PCSK9: variants seen among roughly 807,000 people sequenced by gnomAD.
The protein encoded by PCSK9 is proprotein convertase subtilisin/kexin type 9.
A neutral mutation model predicts 62.1 loss-of-function variants in PCSK9; 57 were observed. The ratio of observed to expected loss-of-function variants is 0.92; its 90% CI spans 0.74 to 1.14. PCSK9 has a LOEUF of 1.14. Ranked by LOEUF, PCSK9 falls within the 50% of genes most tolerant of loss-of-function variation. The pLI is 0.00. For synonymous variants in PCSK9, 387 were observed against 409.4 expected (o/e 0.95, Z 0.66); for missense variants, 870 against 959.8 (o/e 0.91, Z 1.24).
chr1:55,045,258 G>A (rs1183769002), intron 2 of PCSK9, among the ~76,000 whole-genome samples: 1 of 152,098 alleles, frequency 6.6e-6, no homozygotes, highest in South Asian at 2.1e-4. Context: ...ATTTGCCATC[G>A]AGAGCTGGAC....
intron 2 of PCSK9, among the ~76,000 whole-genome samples, chr1:55,045,998 C>T (rs910278626): frequency 1.4e-4 from 21 of 152,174 alleles, no homozygotes; most frequent in African/African-American, 3.6e-4. Context: ...CGTGAGTCAC[C>T]GCTCCCAGCT....
chr1:55,055,055 G>T (rs952780192), intron 5 of PCSK9, among the ~76,000 whole-genome samples: 1 of 151,694 alleles, frequency 6.6e-6, no homozygotes, highest in Admixed American at 6.6e-5. Flanking sequence ...GCATGAGGTA[G>T]ACCATGGCCT....
chr1:55,052,292 G>A lies in PCSK9; in HGVS notation c.538G>A (p.Val180Met). The A allele has an allele frequency of 6.2e-7, 1 of 1,614,078 alleles. No homozygotes were observed. The highest frequency in any genetic ancestry group is 8.5e-7 in the Non-Finnish European group (1 of 1,180,040). ...GCCTTGGAAAGACGGAGGCAGCCTGGTGGAGGTGTATCTCCTAGACACCAG... is the reference window on the plus strand; with the variant it reads ...GCCTTGGAAAGACGGAGGCAGCCTGATGGAGGTGTATCTCCTAGACACCAG... ...EYQPPDGGSL[V>M]EVYLLDTSIQ... The change falls in exon 4 of 12, where the codon GTG becomes ATG. Residue 180 changes from valine to methionine, a missense_variant. By Grantham distance (21) the Val-to-Met change is conservative. Coordinates refer to ENST00000302118, the MANE Select transcript of PCSK9 (RefSeq NM_174936.4).
At chr1:55,057,253 G>A in intron 6 of PCSK9, 78 bp from the exon 7 acceptor site, 1 of 1,519,508 alleles carries the variant, frequency 6.6e-7, no homozygotes, top group Non-Finnish European at 9.1e-7. Context: ...GTCCAGCCCA[G>A]CTGGCAAGGC....
chr1:55,059,287 CT>C (rs1190748023), intron 9 of PCSK9, among the ~76,000 whole-genome samples, 198 bp from the exon 10 acceptor site: 1 of 152,216 alleles, frequency 6.6e-6, no homozygotes, highest in East Asian at 1.9e-4. Context: ...TTTGGAAGAA[CT>C]TTTGAGTATT....
rs904536436 is a variant in PCSK9 at position 55,057,921 on chromosome 1, T to A, written c.1181-115T>A. 1.7e-4 allele frequency: 244 copies of A among 1,422,374 alleles called. 3 individuals carry two copies. The highest frequency in any genetic ancestry group is 3.1e-5 in the Non-Finnish European group (31 of 1,008,662). The allele number at this position is 1,422,374 out of a possible 1,614,324, so 88.1% of individuals were successfully genotyped here. On this transcript the variant is annotated intron_variant, in intron 7 of 11. Transcript: ENST00000302118. ...TTACCTTCGAGAAGAGAGCTTAGTG[T>A]CTGTGTGCACGTGTGTTTGTGTGTA...
rs1644582255 is a variant in PCSK9 at position 55,039,651 on chromosome 1, G to A, written c.-187G>A. ...CAGTGAGACTGGCTCGGGCGGGCCGGGACGCGTCGTTGCAGCAGCGGCTCC... is the reference window on the plus strand; with the variant it reads ...CAGTGAGACTGGCTCGGGCGGGCCGAGACGCGTCGTTGCAGCAGCGGCTCC... On this transcript the variant is annotated 5_prime_UTR_variant, in exon 1 of 12. Coordinates refer to ENST00000302118, the MANE Select transcript of PCSK9 (RefSeq NM_174936.4). The A allele has an allele frequency of 2.9e-6, 2 of 692,128 alleles. No homozygotes were observed. Among genetic ancestry groups the A allele is most frequent in the African/African-American group, 1.8e-5 (1 of 55,850 alleles). The allele number at this position is 692,128 out of a possible 1,614,324, so 42.9% of individuals were successfully genotyped here.
At position 55,057,350 on chromosome 1, in the gene PCSK9, C is replaced by T. The variant is rs780783084; in HGVS notation, c.1016C>T (p.Thr339Ile). 1 of 1,613,958 alleles carries T rather than the reference C, an allele frequency of 6.2e-7. No homozygotes were observed. Among genetic ancestry groups the T allele is most frequent in the Admixed American group, 1.7e-5 (1 of 60,032 alleles). Reference sequence around the variant, plus strand: ...TTCCAGGTCATCACAGTTGGGGCCACCAATGCCCAAGACCAGCCGGTGACC... The same window carrying T: ...TTCCAGGTCATCACAGTTGGGGCCATCAATGCCCAAGACCAGCCGGTGACC... ...SAPEVITVGA[T>I]NAQDQPVTLG... Residue 339 changes from threonine (T) to isoleucine (I), a missense_variant, in exon 7 of 12, where the codon ACC becomes ATC. Coordinates refer to ENST00000302118, the MANE Select transcript of PCSK9 (RefSeq NM_174936.4).
At chr1:55,062,720 T>A (rs1158518735) in intron 11 of PCSK9, among the ~76,000 whole-genome samples, 5 of 151,456 alleles carry the variant, frequency 3.3e-5, no homozygotes, top group Admixed American at 6.6e-5. Flanking sequence ...AGATGGGGGG[T>A]GCCTCAGAGG....
chr1:55,039,879 A>ACTG lies in PCSK9; in HGVS notation c.63_65dup (p.Leu23dup), dbSNP rs35574083. 0.14 allele frequency: 220,434 copies of ACTG among 1,557,874 alleles called. 14,501 individuals carry two copies. Among genetic ancestry groups the ACTG allele is most frequent in the African/African-American group, 0.2 (15,080 of 73,684 alleles). ...CCAGGCGGTCCTGGTGGCCGCTGCCACTGCTGCTGCTGCTGCTGCTGCTCC... is the reference window on the plus strand; with the variant it reads ...CCAGGCGGTCCTGGTGGCCGCTGCCACTGCTGCTGCTGCTGCTGCTGCTGCTCC... On this transcript the variant is annotated inframe_insertion, in exon 1 of 12. Transcript: ENST00000302118.
chr1:55,054,935 G>A (rs1416713000), intron 5 of PCSK9, among the ~76,000 whole-genome samples: 1 of 152,088 alleles, frequency 6.6e-6, no homozygotes, highest in African/African-American at 2.4e-5. Context: ...AACCCGGGAG[G>A]CGGAGCTTGC....
Position 55,063,604 on chromosome 1 carries a change from G to A in PCSK9, c.*20G>A, listed in dbSNP as rs553095640. 1 of 1,608,442 alleles carries A rather than the reference G, an allele frequency of 6.2e-7. No individual in the cohort carries two copies. The highest frequency in any genetic ancestry group is 1.3e-5 in the African/African-American group (1 of 74,960). ...CAGTGACAGCCCCATCCCAGGATGGGTGTCTGGGGAGGGTCAAGGGCTGGG... is the reference window on the plus strand; with the variant it reads ...CAGTGACAGCCCCATCCCAGGATGGATGTCTGGGGAGGGTCAAGGGCTGGG... On this transcript the variant is annotated 3_prime_UTR_variant, in exon 12 of 12. Transcript: ENST00000302118.
At chr1:55,043,540 G>C (rs10888896) in intron 1 of PCSK9, among the ~76,000 whole-genome samples, 112,073 of 152,174 alleles carry the variant, frequency 0.74, 41,631 homozygotes, top group East Asian at 0.94. Flanking sequence ...CACCAGGAGC[G>C]ACCAGGCCCG....
chr1:55,054,140 T>A (rs1162408781), intron 5 of PCSK9, among the ~76,000 whole-genome samples: 1 of 152,130 alleles, frequency 6.6e-6, no homozygotes, highest in Non-Finnish European at 1.5e-5. Flanking sequence ...TCCCAGCACT[T>A]TGGGAGGCCG....
chr1:55,057,079 C>G (rs921700969), intron 6 of PCSK9, among the ~76,000 whole-genome samples: 1 of 152,228 alleles, frequency 6.6e-6, no homozygotes, highest in African/African-American at 2.4e-5. Flanking sequence ...CTATCTCCCC[C>G]ACTAGGATGT....
At chr1:55,046,798 T>C in intron 3 of PCSK9, 152 bp downstream of exon 3, 2 of 821,156 alleles carry the variant, frequency 2.4e-6, no homozygotes, top group Non-Finnish European at 3.8e-6. Flanking sequence ...CCCATCCCCA[T>C]CCCCTGCAGC....
chr1:55,058,000 GCCATCA>G, intron 7 of PCSK9, 30 bp from the exon 8 acceptor site: 3 of 1,613,158 alleles, frequency 1.9e-6, no homozygotes, highest in Non-Finnish European at 1.7e-6. Context: ...GGAGGGCCGG[GCCATCA>G]CCATCTTTCA....
In PCSK9 at chr1:55,063,661, T is replaced by C; in HGVS notation, c.*77T>C. 1 of 1,465,212 alleles carries C rather than the reference T, an allele frequency of 6.8e-7. No individual in the cohort carries two copies. Among genetic ancestry groups the C allele is most frequent in the Non-Finnish European group, 9.2e-7 (1 of 1,087,064 alleles). 90.8% of individuals were successfully genotyped at this position (1,465,212 alleles called of 1,614,324 possible). Reference sequence around the variant, plus strand: ...CTTTAAAATGGTTCCGACTTGTCCCTCTCTCAGCCCTCCATGGCCTGGCAC... The same window carrying C: ...CTTTAAAATGGTTCCGACTTGTCCCCCTCTCAGCCCTCCATGGCCTGGCAC... On this transcript the variant is annotated 3_prime_UTR_variant, in exon 12 of 12. Transcript: ENST00000302118.
In PCSK9 at chr1:55,052,464, G is replaced by T. The variant is rs1193133226; in HGVS notation, c.657+53G>T. On this transcript the variant is annotated intron_variant, in intron 4 of 11. Transcript: ENST00000302118. ...TGCCTCTGCCCATATCCCCATCCTG[G>T]AGGTGGGTGGGGACTGCCACCCCAG... The T allele has an allele frequency of 6.2e-6, 10 of 1,612,590 alleles. No homozygotes were observed. The Admixed American group carries it at 1.3e-4, about 22-fold the overall frequency.
Sources: gnomAD v4.1 joint callset for allele counts (sites outside exome capture counted in the v4.1 genomes callset) on GRCh38, gnomAD v4.1.1 for gene constraint, MANE v1.5 for transcripts, NCBI Gene and HGNC (gene_info 2026-07-23, HGNC 2026-07-21) for gene names.